PDE4D: variants seen among roughly 807,000 people sequenced by gnomAD.
PDE4D encodes the protein 3',5'-cyclic-AMP phosphodiesterase 4D.
PDE4D carries 24 observed loss-of-function variants against 87.4 expected under a neutral mutation model. The observed-to-expected ratio is 0.27, with a 90% CI of 0.20 to 0.39. The LOEUF (loss-of-function observed/expected upper bound fraction) is 0.39, where lower values mean the gene tolerates loss of function less well. Ranked by LOEUF, PDE4D falls within the 10% of genes least tolerant of loss-of-function variation. The pLI, the probability that PDE4D is intolerant of heterozygous loss-of-function variation, is 1.00. For synonymous variants in PDE4D, 384 were observed against 383.2 expected (o/e 1.00, Z -0.02); for missense variants, 714 against 1,041.0 (o/e 0.69, Z 4.32).
At chr5:59,187,132 G>T (rs1004518523) in intron 3 of PDE4D, among the ~76,000 whole-genome samples, 4 of 152,034 alleles carry the variant, frequency 2.6e-5, no homozygotes, top group African/African-American at 7.2e-5. Flanking sequence ...ACATAGAAAT[G>T]CAGGCAACTT....
intron 5 of PDE4D, among the ~76,000 whole-genome samples, chr5:59,103,353 G>T (rs532532607): frequency 6.6e-6 from 1 of 152,100 alleles, no homozygotes; most frequent in Non-Finnish European, 1.5e-5. Context: ...AGAATTAAGG[G>T]CAATTAGGTC....
At chr5:59,106,639 A>G (rs1771627950) in intron 5 of PDE4D, among the ~76,000 whole-genome samples, 1 of 152,160 alleles carries the variant, frequency 6.6e-6, no homozygotes, top group Admixed American at 6.5e-5. Context: ...GCATGACTGT[A>G]ATCCCAGCTA....
At chr5:60,331,456 A>G (rs1757298242) in intron 1 of PDE4D, among the ~76,000 whole-genome samples, 1 of 152,088 alleles carries the variant, frequency 6.6e-6, no homozygotes, top group Non-Finnish European at 1.5e-5. Flanking sequence ...TTTCACTGAG[A>G]TTTGCAAACT....
intron 1 of PDE4D, among the ~76,000 whole-genome samples, chr5:60,447,953 T>C (rs1402533498): frequency 2.0e-5 from 3 of 152,182 alleles, no homozygotes; most frequent in Non-Finnish European, 4.4e-5. Flanking sequence ...GTTTATAGTA[T>C]AGTCTAACTC....
Position 60,446,235 on chromosome 5 carries a change from C to CA in PDE4D, c.-90+41706dup, listed in dbSNP as rs1184408754. Among the ~76,000 whole-genome samples the CA allele has an allele frequency of 4.6e-5, 7 of 151,794 alleles. No individual in the cohort carries two copies. In the East Asian group the frequency reaches 7.7e-4, roughly 17 times the overall value. Reference sequence around the variant, plus strand: ...AAAACTTTCTGGAGAGCAATTTGGCCAAAAAAATCAAACCTTTATGAATAA... The same window carrying CA: ...AAAACTTTCTGGAGAGCAATTTGGCCAAAAAAAATCAAACCTTTATGAATAA... On this transcript the variant is annotated intron_variant, in intron 1 of 16. Coordinates refer to the PDE4D transcript ENST00000502484.
chr5:60,050,486 G>A (rs1478144615), intron 2 of PDE4D, among the ~76,000 whole-genome samples: 2 of 152,156 alleles, frequency 1.3e-5, no homozygotes, highest in South Asian at 2.1e-4. Flanking sequence ...ACCCAATCCT[G>A]AGAGATTTTG....
Position 59,038,897 on chromosome 5 carries a change from G to T in PDE4D, c.883C>A (p.Gln295Lys). 1.2e-6 allele frequency: 2 copies of T among 1,600,472 alleles called. No homozygotes were observed. The highest frequency in any genetic ancestry group is 1.7e-4 in the Middle Eastern group (1 of 6,020). ...ATCTCACTGACGGAGTGCCTGGTCTGTAGGGTCTCTAGCTGGTCCAGACAC... is the reference window on the plus strand; with the variant it reads ...ATCTCACTGACGGAGTGCCTGGTCTTTAGGGTCTCTAGCTGGTCCAGACAC... ...DWCLDQLETLQTRHSVSEMAS... is the reference protein window; with the variant it reads ...DWCLDQLETLKTRHSVSEMAS... The change falls in exon 6 of 15, where the codon CAG becomes AAG. Residue 295 changes from glutamine (Q) to lysine (K), a missense_variant. Transcript: ENST00000340635.
At chr5:59,288,274 G>A (rs960615645) in intron 1 of PDE4D, among the ~76,000 whole-genome samples, 4 of 151,726 alleles carry the variant, frequency 2.6e-5, no homozygotes, top group South Asian at 2.1e-4. Flanking sequence ...AGAATCAAGC[G>A]GAAATTCTGG....
At chr5:59,029,611 A>G (rs1315392703) in intron 6 of PDE4D, among the ~76,000 whole-genome samples, 1 of 152,056 alleles carries the variant, frequency 6.6e-6, no homozygotes, top group Non-Finnish European at 1.5e-5. Flanking sequence ...TATAGATTCA[A>G]TGCAGTTCCT....
intron 2 of PDE4D, among the ~76,000 whole-genome samples, chr5:60,180,847 G>A (rs1250113241): frequency 6.6e-6 from 1 of 152,060 alleles, no homozygotes; most frequent in Non-Finnish European, 1.5e-5. Context: ...CATCTCCCGT[G>A]ACCTTCTTGG....
At chr5:59,608,104 C>T (rs1828473332) in intron 1 of PDE4D, among the ~76,000 whole-genome samples, 1 of 152,134 alleles carries the variant, frequency 6.6e-6, no homozygotes. Context: ...CATACATATT[C>T]CTTCCCTCCA....
chr5:59,197,474 C>T lies in PDE4D; in HGVS notation c.648-3938G>A, dbSNP rs375281270. ...GTCCTCGATAAACGGCAGGTTATAG[C>T]CTATCCATTTATTTTCAAAAGTATG... On this transcript the variant is annotated intron_variant, in intron 2 of 14. Transcript: ENST00000340635. Among the ~76,000 whole-genome samples the T allele has an allele frequency of 2.8e-4, 43 of 152,204 alleles. 1 individual carries two copies. Among genetic ancestry groups the T allele is most frequent in the African/African-American group, 9.9e-4 (41 of 41,546 alleles).
chr5:60,496,269 A>C (rs1033132921), intron 1 of PDE4D, among the ~76,000 whole-genome samples: 3 of 152,180 alleles, frequency 2.0e-5, no homozygotes, highest in Non-Finnish European at 4.4e-5. Flanking sequence ...TGTTCTTCCA[A>C]ACCGAGAGGG....
chr5:60,204,055 C>T (rs1000909531), intron 1 of PDE4D, among the ~76,000 whole-genome samples: 2 of 151,948 alleles, frequency 1.3e-5, no homozygotes, highest in Non-Finnish European at 2.9e-5. Flanking sequence ...TACAAAAGCA[C>T]TTGCCAGCAC....
chr5:59,926,230 A>G (rs1054911854), intron 3 of PDE4D, among the ~76,000 whole-genome samples: 3 of 152,160 alleles, frequency 2.0e-5, no homozygotes, highest in African/African-American at 7.2e-5. Flanking sequence ...CTAAACAAAC[A>G]CATAGAAATT....
chr5:59,314,259 A>C (rs1773245291), intron 1 of PDE4D: 1 of 152,158 alleles, frequency 6.6e-6, no homozygotes, highest in African/African-American at 2.4e-5. Flanking sequence ...TTATCTGCAT[A>C]GATAACACCC....
At chr5:59,084,014 T>C (rs965385991) in intron 5 of PDE4D, among the ~76,000 whole-genome samples, 11 of 152,048 alleles carry the variant, frequency 7.2e-5, no homozygotes, top group African/African-American at 1.9e-4. Flanking sequence ...GACAAGTAGA[T>C]TGTTTGTATA....
chr5:60,465,259 C>T (rs1023780008), intron 1 of PDE4D, among the ~76,000 whole-genome samples: 2 of 152,138 alleles, frequency 1.3e-5, no homozygotes, highest in Non-Finnish European at 2.9e-5. Context: ...ATTAAACTAA[C>T]ACCTCATTCC....
chr5:60,202,355 T>TA (rs1739610817), intron 1 of PDE4D, among the ~76,000 whole-genome samples: 1 of 152,060 alleles, frequency 6.6e-6, no homozygotes, highest in Admixed American at 6.5e-5. Context: ...TTTGTAAAGA[T>TA]AGAGTTTCCT....
Sources: allele counts gnomAD v4.1 joint callset (sites outside exome capture counted in the v4.1 genomes callset), GRCh38; gene constraint gnomAD v4.1.1; transcripts MANE v1.5; gene names NCBI Gene and HGNC (gene_info 2026-07-23, HGNC 2026-07-21).